Variants in TMEM132D observed in about 807,000 individuals in gnomAD.
TMEM132D encodes the protein mature OL transmembrane protein.
TMEM132D carries 21 observed loss-of-function variants against 62.3 expected under a neutral mutation model. That is an observed-to-expected ratio of 0.34 (90% confidence interval 0.24 to 0.49). The LOEUF (loss-of-function observed/expected upper bound fraction) is 0.49. TMEM132D is among the 20% of genes least tolerant of loss of function. The pLI, the probability that TMEM132D is intolerant of heterozygous loss-of-function variation, is 0.99. For synonymous variants in TMEM132D, 621 were observed against 575.6 expected (o/e 1.08, Z -1.13); for missense variants, 1,346 against 1,402.8 (o/e 0.96, Z 0.65).
intron 3 of TMEM132D, among the ~76,000 whole-genome samples, chr12:129,422,695 C>T (rs1872363559): frequency 1.3e-5 from 2 of 152,016 alleles, no homozygotes; most frequent in Admixed American, 6.6e-5. Flanking sequence ...AATTTATCTA[C>T]ACAAAGAAAA....
intron 3 of TMEM132D, chr12:129,522,394 T>C (rs1875874862): frequency 6.6e-6 from 1 of 152,180 alleles, no homozygotes; most frequent in African/African-American, 2.4e-5. Flanking sequence ...TTTCATTTCT[T>C]TTTTTAATGT....
chr12:129,484,558 T>C (rs1402015202), intron 3 of TMEM132D, among the ~76,000 whole-genome samples: 2 of 152,200 alleles, frequency 1.3e-5, no homozygotes, highest in Non-Finnish European at 2.9e-5. Context: ...CCATATTTAC[T>C]TTATCAGTGG....
intron 3 of TMEM132D, among the ~76,000 whole-genome samples, chr12:129,511,059 C>G (rs1817533): frequency 1.2e-4 from 18 of 152,082 alleles, no homozygotes; most frequent in African/African-American, 4.3e-4. Context: ...ATAAATAGCG[C>G]ACCCATTTTA....
intron 2 of TMEM132D, among the ~76,000 whole-genome samples, chr12:129,582,623 CTT>C (rs11446843): frequency 0.26 from 38,167 of 146,102 alleles, 5,658 homozygotes; most frequent in Non-Finnish European, 0.35. Context: ...TTCTTTCTTT[CTT>C]TTTTTTTTTT....
intron 3 of TMEM132D, among the ~76,000 whole-genome samples, chr12:129,360,893 A>AT (rs1449573696): frequency 6.6e-6 from 1 of 152,150 alleles, no homozygotes; most frequent in African/African-American, 2.4e-5. Flanking sequence ...GTCGCGACAC[A>AT]TAACTCCTCC....
chr12:129,239,013 G>GTTT, intron 4 of TMEM132D, among the ~76,000 whole-genome samples: 1 of 87,298 alleles, frequency 1.1e-5, no homozygotes, highest in South Asian at 3.4e-4. Context: ...TTTTTTTTTT[G>GTTT]GACAGTAACT....
intron 1 of TMEM132D, among the ~76,000 whole-genome samples, chr12:129,709,784 G>A (rs1028732626): frequency 5.3e-5 from 8 of 152,132 alleles, no homozygotes; most frequent in African/African-American, 1.9e-4. Flanking sequence ...AAAGAAAGAG[G>A]ATGTTTAGCT....
intron 5 of TMEM132D, among the ~76,000 whole-genome samples, chr12:129,135,496 G>T (rs183709911): frequency 4.1e-4 from 62 of 152,298 alleles, no homozygotes; most frequent in African/African-American, 1.3e-3. Flanking sequence ...GTTAGCAATC[G>T]CTGGCACAAG....
intron 2 of TMEM132D, among the ~76,000 whole-genome samples, chr12:129,674,494 G>T (rs1001020196): frequency 6.6e-6 from 1 of 151,972 alleles, no homozygotes; most frequent in African/African-American, 2.4e-5. Context: ...ATAATTTTTG[G>T]TTTAAAAAAT....
At chr12:129,233,457 T>G (rs1157086497) in intron 4 of TMEM132D, among the ~76,000 whole-genome samples, 1 of 152,198 alleles carries the variant, frequency 6.6e-6, no homozygotes, top group Non-Finnish European at 1.5e-5. Context: ...TGCCTCATGA[T>G]AAGATGTATT....
intron 4 of TMEM132D, among the ~76,000 whole-genome samples, chr12:129,226,336 T>C (rs899040916): frequency 6.6e-6 from 1 of 152,262 alleles, no homozygotes; most frequent in Non-Finnish European, 1.5e-5. Flanking sequence ...GCATGGGCCT[T>C]GAGCATCTCT....
chr12:129,374,730 C>T (rs1264831355), intron 3 of TMEM132D, among the ~76,000 whole-genome samples: 2 of 152,130 alleles, frequency 1.3e-5, no homozygotes, highest in African/African-American at 2.4e-5. Flanking sequence ...AATTTTGCTC[C>T]GAGACTGTTA....
At chr12:129,673,525 A>C (rs2137201662) in intron 2 of TMEM132D, among the ~76,000 whole-genome samples, 1 of 152,340 alleles carries the variant, frequency 6.6e-6, no homozygotes, top group East Asian at 1.9e-4. Flanking sequence ...ATCTGAAAAA[A>C]ATCAAACATC....
intron 1 of TMEM132D, among the ~76,000 whole-genome samples, chr12:129,831,753 G>A (rs1274795282): frequency 6.6e-6 from 1 of 151,886 alleles, no homozygotes; most frequent in African/African-American, 2.4e-5. Flanking sequence ...AACTGAGCAA[G>A]CCATTAAACC....
At chr12:129,776,986 T>C (rs1269317809) in intron 1 of TMEM132D, among the ~76,000 whole-genome samples, 1 of 152,214 alleles carries the variant, frequency 6.6e-6, no homozygotes, top group East Asian at 1.9e-4. Flanking sequence ...TGTTCTTTTT[T>C]ATTAACAAAG....
At chr12:129,299,007 T>A (rs915353290) in intron 4 of TMEM132D, among the ~76,000 whole-genome samples, 3 of 152,176 alleles carry the variant, frequency 2.0e-5, no homozygotes, top group African/African-American at 7.2e-5. Flanking sequence ...GAACCTCAAC[T>A]TTCCTTCATA....
At chr12:129,269,223 C>T (rs1235607430) in intron 4 of TMEM132D, among the ~76,000 whole-genome samples, 1 of 152,028 alleles carries the variant, frequency 6.6e-6, no homozygotes, top group South Asian at 2.1e-4. Context: ...GTCACTGTTT[C>T]TTTCTTTTTA....
intron 1 of TMEM132D, among the ~76,000 whole-genome samples, chr12:129,842,361 T>C (rs1486535115): frequency 6.6e-6 from 1 of 152,142 alleles, no homozygotes; most frequent in Non-Finnish European, 1.5e-5. Context: ...GTTTAAACGC[T>C]GGCATTCAAT....
intron 4 of TMEM132D, among the ~76,000 whole-genome samples, chr12:129,231,968 G>C (rs1879654617): frequency 5.3e-5 from 8 of 152,156 alleles, no homozygotes; most frequent in Admixed American, 5.2e-4. Flanking sequence ...AGAACCTCTG[G>C]GGAGTGGGAC....
Sources: gnomAD v4.1 joint callset for allele counts (sites outside exome capture counted in the v4.1 genomes callset) on GRCh38, gnomAD v4.1.1 for gene constraint, MANE v1.5 for transcripts, NCBI Gene and HGNC (gene_info 2026-07-23, HGNC 2026-07-21) for gene names.